The following PPP4R3A variants were observed in gnomAD, a reference collection of about 807,000 sequenced individuals.
PPP4R3A encodes serine/threonine-protein phosphatase 4 regulatory subunit 3A.
Under a neutral mutation model 91.7 loss-of-function variants are expected in PPP4R3A, and 15 were observed. The ratio of observed to expected loss-of-function variants is 0.16; its 90% confidence interval spans 0.11 to 0.25. The LOEUF (loss-of-function observed/expected upper bound fraction) is 0.25, where lower values mean the gene tolerates loss of function less well. Ranked by LOEUF, PPP4R3A falls within the 10% of genes least tolerant of loss-of-function variation. The probability of loss-of-function intolerance (pLI) is 1.00; values close to 1 mark genes in which losing one functional copy is unlikely to be tolerated. For missense variants in PPP4R3A, 623 were observed against 998.4 expected, an observed-to-expected ratio of 0.62 and a Z score of 5.07; for synonymous variants, 377 against 348.7, an observed-to-expected ratio of 1.08 and a Z score of -0.91.
intron 10 of PPP4R3A, 142 bp from the exon 11 acceptor site, chr14:91,465,561 G>A: frequency 1.6e-6 from 1 of 634,346 alleles, no homozygotes; most frequent in Non-Finnish European, 2.4e-6. Context: ...TTCCGGAACT[G>A]TGAACCTAAA....
chr14:91,493,841 C>G (rs1379394337), intron 1 of PPP4R3A, among the ~76,000 whole-genome samples: 1 of 148,886 alleles, frequency 6.7e-6, no homozygotes, highest in Non-Finnish European at 1.5e-5. Flanking sequence ...GGTGCAATCC[C>G]GGCTCACCAC....
At chr14:91,476,081 C>A in intron 6 of PPP4R3A, 115 bp from the exon 7 acceptor site, 2 of 993,304 alleles carry the variant, frequency 2.0e-6, no homozygotes, top group Admixed American at 3.2e-5. Context: ...AAAGAAAGGT[C>A]AAAGAAATTC....
chr14:91,485,609 GA>G (rs751718325), intron 3 of PPP4R3A, 22 bp downstream of exon 3: 4 of 1,531,352 alleles, frequency 2.6e-6, no homozygotes, highest in East Asian at 2.3e-5. Flanking sequence ...AAAGCATGTT[GA>G]TTTTTTTATT....
intron 1 of PPP4R3A, among the ~76,000 whole-genome samples, chr14:91,501,435 A>C (rs1462312994): frequency 1.3e-5 from 2 of 152,150 alleles, no homozygotes; most frequent in African/African-American, 4.8e-5. Context: ...GAGAGAATGC[A>C]CCATCAAAAA....
chr14:91,474,184 T>C (rs1388656742), intron 7 of PPP4R3A, among the ~76,000 whole-genome samples: 1 of 152,226 alleles, frequency 6.6e-6, no homozygotes, highest in African/African-American at 2.4e-5. Flanking sequence ...ATTATCTGAA[T>C]GTCTGAAATT....
chr14:91,509,017 C>CA (rs1344650535), intron 1 of PPP4R3A, among the ~76,000 whole-genome samples: 5 of 152,008 alleles, frequency 3.3e-5, no homozygotes, highest in African/African-American at 7.3e-5. Context: ...AAACATGTAG[C>CA]AAAAAGATGT....
At chr14:91,494,849 G>C (rs951342462) in intron 1 of PPP4R3A, among the ~76,000 whole-genome samples, 3 of 152,160 alleles carry the variant, frequency 2.0e-5, no homozygotes, top group African/African-American at 7.2e-5. Flanking sequence ...CTGGACGACA[G>C]AGACTCTGTC....
chr14:91,490,281 C>T (rs958084546), intron 2 of PPP4R3A, among the ~76,000 whole-genome samples: 2 of 152,186 alleles, frequency 1.3e-5, no homozygotes, highest in Admixed American at 6.5e-5. Context: ...CTGTGAAGTA[C>T]AGTTACCTTC....
intron 3 of PPP4R3A, among the ~76,000 whole-genome samples, chr14:91,484,053 A>C (rs1213132673): frequency 6.6e-6 from 1 of 152,220 alleles, no homozygotes; most frequent in Non-Finnish European, 1.5e-5. Flanking sequence ...TGAACTCATT[A>C]ATGTCACCTC....
At chr14:91,472,898 C>T (rs1200047078) in intron 9 of PPP4R3A, 135 bp downstream of exon 9, 25 of 731,832 alleles carry the variant, frequency 3.4e-5, no homozygotes, top group African/African-American at 5.3e-5. Context: ...CTTTTAAAGA[C>T]TACTACTTTT....
chr14:91,509,719 G>C lies in PPP4R3A; in HGVS notation c.-72C>G. ...GGAAAGGGGCCCTGGAGAGGCGAGG[G>C]GCGAGGCGTGAGGGCGCCCGCGAGC... On this transcript the variant is annotated 5_prime_UTR_variant, in exon 1 of 15. Transcript: ENST00000554943. The C allele has an allele frequency of 6.8e-7, 1 of 1,472,562 alleles. No individual in the cohort carries two copies. Among genetic ancestry groups the C allele is most frequent in the Non-Finnish European group, 8.9e-7 (1 of 1,119,478 alleles). 91.2% of individuals were successfully genotyped at this position (1,472,562 alleles called of 1,614,324 possible).
At chr14:91,463,173 C>T (rs1888263767) in intron 11 of PPP4R3A, among the ~76,000 whole-genome samples, 1 of 151,988 alleles carries the variant, frequency 6.6e-6, no homozygotes, top group Non-Finnish European at 1.5e-5. Context: ...TTAAGCGATT[C>T]TCCTGGCTCA....
chr14:91,490,686 A>T, intron 2 of PPP4R3A, 61 bp downstream of exon 2: 1 of 1,353,138 alleles, frequency 7.4e-7, no homozygotes, highest in Non-Finnish European at 1.0e-6. Context: ...CAATCAGATA[A>T]TAAACTTTCA....
At chr14:91,486,114 G>T (rs1240449858) in intron 2 of PPP4R3A, among the ~76,000 whole-genome samples, 5 of 152,298 alleles carry the variant, frequency 3.3e-5, no homozygotes, top group African/African-American at 1.2e-4. Context: ...GGACGATAGG[G>T]TTAATAAAAC....
intron 2 of PPP4R3A, among the ~76,000 whole-genome samples, chr14:91,488,257 C>T (rs1313287331): frequency 6.6e-6 from 1 of 151,874 alleles, no homozygotes; most frequent in Admixed American, 6.6e-5. Flanking sequence ...TAACTCTGTT[C>T]AGTCATTTAT....
chr14:91,501,471 T>A (rs187021549), intron 1 of PPP4R3A, among the ~76,000 whole-genome samples: 4 of 151,954 alleles, frequency 2.6e-5, no homozygotes, highest in African/African-American at 9.7e-5. Flanking sequence ...CTGGGCAACA[T>A]AAGGTGACCC....
chr14:91,495,302 A>ATATGTGTGTGTGTGTGTGTGTGTGTG (rs1555437567), intron 1 of PPP4R3A, among the ~76,000 whole-genome samples: 4 of 140,870 alleles, frequency 2.8e-5, no homozygotes, highest in Non-Finnish European at 6.0e-5. Context: ...CAGATACATA[A>ATATGTGTGTGTGTGTGTGTGTGTGTG]TGTGTGTGTG....
intron 1 of PPP4R3A, among the ~76,000 whole-genome samples, chr14:91,496,213 G>A (rs1004513711): frequency 1.3e-5 from 2 of 152,152 alleles, no homozygotes; most frequent in Non-Finnish European, 1.5e-5. Flanking sequence ...TGGTTATGTT[G>A]TTTTTTCAAT....
intron 1 of PPP4R3A, among the ~76,000 whole-genome samples, chr14:91,500,544 G>C (rs543156304): frequency 1.2e-3 from 181 of 152,064 alleles, no homozygotes; most frequent in African/African-American, 4.1e-3. Flanking sequence ...CATTTCACTG[G>C]TAACACTGTA....
Sources: allele counts gnomAD v4.1 joint callset (sites outside exome capture counted in the v4.1 genomes callset), GRCh38; gene constraint gnomAD v4.1.1; transcripts MANE v1.5; gene names NCBI Gene and HGNC (gene_info 2026-07-23, HGNC 2026-07-21).